The following FAM171A1 variants were observed in gnomAD, a reference collection of about 807,000 sequenced individuals.
The protein encoded by FAM171A1 is family with sequence similarity 171 member A1.
A neutral mutation model predicts 74.9 loss-of-function variants in FAM171A1; 23 were observed. The observed-to-expected ratio is 0.31, with a 90% CI of 0.22 to 0.44. The LOEUF (loss-of-function observed/expected upper bound fraction) is 0.44, where lower values mean the gene tolerates loss of function less well. FAM171A1 is among the 20% of genes least tolerant of loss of function. The pLI is 1.00. For synonymous variants in FAM171A1, 527 were observed against 505.7 expected, an observed-to-expected ratio of 1.04 and a Z score of -0.57; for missense variants, 1,162 against 1,159.2, an observed-to-expected ratio of 1.00 and a Z score of -0.03.
At chr10:15,290,814 C>T (rs1835093407) in intron 1 of FAM171A1, among the ~76,000 whole-genome samples, 1 of 152,180 alleles carries the variant, frequency 6.6e-6, no homozygotes, top group Non-Finnish European at 1.5e-5. Flanking sequence ...TTGTTTACCA[C>T]TGAATTAAAA....
chr10:15,311,023 G>A (rs1173701871), intron 1 of FAM171A1, among the ~76,000 whole-genome samples: 1 of 152,148 alleles, frequency 6.6e-6, no homozygotes, highest in African/African-American at 2.4e-5. Context: ...AGGGGACCTA[G>A]GGCTGCTGGA....
Position 15,256,551 on chromosome 10 carries a change from G to A in FAM171A1, c.419-1672C>T, listed in dbSNP as rs190902968. ...CTATCTAACTCCGGTCATCTCTGCT[G>A]AAACTAAACAGACACAGACATTAGT... On this transcript the variant is annotated intron_variant, in intron 3 of 7. Coordinates refer to ENST00000378116, the MANE Select transcript of FAM171A1 (RefSeq NM_001010924.2). Among the ~76,000 whole-genome samples, 19 of 152,314 alleles carry A rather than the reference G, an allele frequency of 1.2e-4. No homozygotes were observed. The East Asian group carries it at 3.7e-3, about 29-fold the overall frequency.
intron 1 of FAM171A1, among the ~76,000 whole-genome samples, chr10:15,367,874 T>C (rs563704998): frequency 6.6e-6 from 1 of 152,370 alleles, no homozygotes; most frequent in South Asian, 2.1e-4. Context: ...AACCTAGCTC[T>C]GACCTTCCTT....
At chr10:15,313,652 T>A (rs992876883) in intron 1 of FAM171A1, among the ~76,000 whole-genome samples, 5 of 152,178 alleles carry the variant, frequency 3.3e-5, no homozygotes, top group Non-Finnish European at 7.4e-5. Flanking sequence ...TTTCCAAGTC[T>A]TTCATAAGAA....
At chr10:15,362,186 C>T (rs1836002593) in intron 1 of FAM171A1, among the ~76,000 whole-genome samples, 1 of 152,190 alleles carries the variant, frequency 6.6e-6, no homozygotes, top group African/African-American at 2.4e-5. Flanking sequence ...ACAGCTTGAC[C>T]TAATTCTTCC....
chr10:15,256,843 T>C (rs1360928340), intron 3 of FAM171A1, among the ~76,000 whole-genome samples: 1 of 152,166 alleles, frequency 6.6e-6, no homozygotes, highest in African/African-American at 2.4e-5. Context: ...CCCACACACA[T>C]GGCGCACAGC....
At chr10:15,307,756 T>C (rs576336913) in intron 1 of FAM171A1, among the ~76,000 whole-genome samples, 2 of 150,460 alleles carry the variant, frequency 1.3e-5, no homozygotes, top group African/African-American at 4.9e-5. Flanking sequence ...TCCTTCCTAA[T>C]CAACCAACCA....
At chr10:15,247,146 C>T (rs2131755425) in intron 5 of FAM171A1, among the ~76,000 whole-genome samples, 1 of 152,116 alleles carries the variant, frequency 6.6e-6, no homozygotes, top group East Asian at 1.9e-4. Flanking sequence ...GATTGATGAA[C>T]CAAAGTGAAG....
At chr10:15,372,529 C>T (rs2076320880), upstream of FAM171A1, among the ~76,000 whole-genome samples, 1 of 52,358 alleles carries the variant, frequency 1.9e-5, no homozygotes, top group East Asian at 6.4e-4. Flanking sequence ...AACCCTGTCT[C>T]TACCAAAAAT....
intron 1 of FAM171A1, among the ~76,000 whole-genome samples, chr10:15,324,287 A>G (rs1047207312): frequency 1.3e-5 from 2 of 152,138 alleles, no homozygotes; most frequent in Non-Finnish European, 2.9e-5. Context: ...TGATTCAAGC[A>G]GAGAAGTCCA....
In FAM171A1 at chr10:15,221,077, G is replaced by C; in HGVS notation, c.755-17C>G. 1 of 1,606,248 alleles carries C rather than the reference G, an allele frequency of 6.2e-7. No individual in the cohort carries two copies. Among genetic ancestry groups the C allele is most frequent in the Non-Finnish European group, 8.5e-7 (1 of 1,173,258 alleles). On this transcript the variant is annotated splice_polypyrimidine_tract_variant and intron_variant, in intron 5 of 7. Coordinates refer to ENST00000378116, the MANE Select transcript of FAM171A1 (RefSeq NM_001010924.2). ...GCCACGTTCCTGTGGAATTGAGAAA[G>C]AGATGTTAGCTACAAGCACACCACG...
rs561592872 is a variant in FAM171A1, at chr10:15,314,797, C to T, written c.98-30692G>A. Among the ~76,000 whole-genome samples, 173 of 152,312 alleles carry T rather than the reference C, an allele frequency of 1.1e-3. 5 individuals are homozygous for T. In the South Asian group the frequency reaches 0.031, roughly 27 times the overall value. On this transcript the variant is annotated intron_variant, in intron 1 of 7. Transcript: ENST00000378116. The stretch of plus-strand genomic sequence containing the variant: ...CCCAGGTGGGAAGTTGGGGAGTATC[C>T]GCTGCCACATTCCTGTCACTTCTCA...
intron 1 of FAM171A1, among the ~76,000 whole-genome samples, chr10:15,316,706 G>A (rs1458414818): frequency 6.6e-6 from 1 of 152,120 alleles, no homozygotes; most frequent in African/African-American, 2.4e-5. Flanking sequence ...AAATCCAAAC[G>A]TTGGATAATT....
chr10:15,213,565 C>G lies in FAM171A1; in HGVS notation c.2023G>C (p.Asp675His), dbSNP rs751029098. The G allele has an allele frequency of 6.2e-7, 1 of 1,614,172 alleles. No homozygotes were observed. The highest frequency in any genetic ancestry group is 1.1e-5 in the South Asian group (1 of 91,086). The change falls in exon 8 of 8, where the codon GAC becomes CAC. Residue 675 changes from aspartate to histidine, a missense_variant. Asp to His is a moderately conservative substitution (Grantham distance 81, BLOSUM62 -1). Transcript: ENST00000378116. The surrounding 1 kb of genome is among the most constrained non-coding windows in gnomAD (Gnocchi z 6.8). The stretch of plus-strand genomic sequence containing the variant: ...CTGTTCATCTGAGCCAAAGCCGCGT[C>G]GTTCAGGGAAGCTGGGATGGAGAGA... ...ESLSIPASLN[D>H]AALAQMNSEV... is the part of the protein sequence containing the mutation.
At position 15,317,983 on chromosome 10, in the gene FAM171A1, T is replaced by TG. The variant is rs578031966; in HGVS notation, c.98-33879dup. 3.0e-3 allele frequency among the ~76,000 whole-genome samples: 464 copies of TG among 152,276 alleles called. 4 individuals are homozygous for TG. The highest frequency in any genetic ancestry group is 0.01 in the African/African-American group (421 of 41,574). On this transcript the variant is annotated intron_variant, in intron 1 of 7. Transcript: ENST00000378116. The stretch of plus-strand genomic sequence containing the variant: ...TTTTTAAAACATTCTTTTGCAGAGA[T>TG]GGGGTCTCACTATGTTGCCCAGGTT...
chr10:15,278,636 A>C (rs1834926517), intron 2 of FAM171A1, among the ~76,000 whole-genome samples: 1 of 152,176 alleles, frequency 6.6e-6, no homozygotes, highest in African/African-American at 2.4e-5. Context: ...AGGCTGAGCG[A>C]AAGACGCCAG....
At chr10:15,279,532 G>C (rs1162914263) in intron 2 of FAM171A1, among the ~76,000 whole-genome samples, 1 of 148,566 alleles carries the variant, frequency 6.7e-6, no homozygotes, top group Non-Finnish European at 1.5e-5. Context: ...TTTTTTTTTT[G>C]ATACCTAGAG....
chr10:15,215,909 AC>A (rs1305387843), intron 7 of FAM171A1, 86 bp downstream of exon 7: 27 of 760,918 alleles, frequency 3.5e-5, no homozygotes, highest in Non-Finnish European at 5.1e-5. Flanking sequence ...TAAAAAAAAA[AC>A]CCACCTCCAT....
intron 2 of FAM171A1, among the ~76,000 whole-genome samples, chr10:15,278,519 A>G (rs1588529598): frequency 6.6e-6 from 1 of 152,216 alleles, no homozygotes; most frequent in South Asian, 2.1e-4. Context: ...CTATCGGCTG[A>G]TGAATGGATA....
Sources: gnomAD v4.1 joint callset for allele counts (sites outside exome capture counted in the v4.1 genomes callset) on GRCh38, gnomAD v4.1.1 for gene constraint, Gnocchi (gnomAD v3.1) non-coding constraint, MANE v1.5 for transcripts, NCBI Gene and HGNC (gene_info 2026-07-23, HGNC 2026-07-21) for gene names.